ENTPD4: variants seen among roughly 807,000 people sequenced by gnomAD.
The protein encoded by ENTPD4 is ectonucleoside triphosphate diphosphohydrolase 4, also known as Golgi UDPase.
In ENTPD4, 60 loss-of-function variants were observed where a neutral mutation model predicts 79.1. The ratio of observed to expected loss-of-function variants is 0.76; its 90% confidence interval spans 0.62 to 0.94. The LOEUF (loss-of-function observed/expected upper bound fraction) is 0.94. ENTPD4 is among the 40% of genes least tolerant of loss of function. The probability of loss-of-function intolerance (pLI) is 0.00; values close to 1 mark genes in which losing one functional copy is unlikely to be tolerated. For missense variants in ENTPD4, 772 were observed against 775.1 expected (o/e 1.00, Z 0.05); for synonymous variants, 276 against 292.0 (o/e 0.95, Z 0.56).
intron 1 of ENTPD4, among the ~76,000 whole-genome samples, chr8:23,455,230 T>C: frequency 6.6e-6 from 1 of 152,230 alleles, no homozygotes; most frequent in East Asian, 1.9e-4. Context: ...CAGATGTTAG[T>C]GAACTCAAAT....
Position 23,432,994 on chromosome 8 carries a change from T to G in ENTPD4, c.1783A>C (p.Ser595Arg). The change falls in exon 13 of 13, where the codon AGC becomes CGC. Residue 595 changes from serine (S) to arginine (R), a missense_variant. Transcript: ENST00000358689. ...LRRIHRRTPR[S>R]SSAAALWMEE... ...ATCCAGAGGGCGGCGGCCGAGCTGCTCCGGGGAGTGCGCCTGTGGATGCGC... is the reference window on the plus strand; with the variant it reads ...ATCCAGAGGGCGGCGGCCGAGCTGCGCCGGGGAGTGCGCCTGTGGATGCGC... 1 of 1,613,798 alleles carries G rather than the reference T, an allele frequency of 6.2e-7. No homozygotes were observed. Among genetic ancestry groups the G allele is most frequent in the Non-Finnish European group, 8.5e-7 (1 of 1,179,866 alleles).
chr8:23,456,927 A>C (rs1800968848), intron 1 of ENTPD4, among the ~76,000 whole-genome samples: 1 of 152,224 alleles, frequency 6.6e-6, no homozygotes, highest in African/African-American at 2.4e-5. Flanking sequence ...CTTCGTGATA[A>C]GTGTTCTCTG....
chr8:23,439,784 T>A lies in ENTPD4; in HGVS notation c.1014A>T (p.Glu338Asp). 1 of 1,614,198 alleles carries A rather than the reference T, an allele frequency of 6.2e-7. No individual in the cohort carries two copies. The highest frequency in any genetic ancestry group is 8.5e-7 in the Non-Finnish European group (1 of 1,180,026). Residue 338 changes from glutamate (E) to aspartate (D), a missense_variant, in exon 9 of 13, where the codon GAA (glutamate) becomes GAT (aspartate). Coordinates refer to ENST00000358689, the MANE Select transcript of ENTPD4 (RefSeq NM_004901.5). ...FGGNAARQRY[E>D]DRIFANTIQK... ...GAATGGTGTTGGCAAATATTCTGTC[T>A]TCGTATCTCTGTCGAGCAGCATTGC... is the stretch of plus-strand genomic sequence containing the variant.
At chr8:23,433,959 G>T in intron 12 of ENTPD4, 1 of 202,528 alleles carries the variant, frequency 4.9e-6, no homozygotes, top group Non-Finnish European at 1.0e-5. Context: ...GGTTTCTTCT[G>T]TAATCCTATG....
intron 12 of ENTPD4, among the ~76,000 whole-genome samples, chr8:23,433,392 A>T (rs1458110457): frequency 3.9e-5 from 6 of 152,208 alleles, no homozygotes; most frequent in Non-Finnish European, 1.5e-5. Flanking sequence ...AATCAGAGGA[A>T]TTTAGAAGAG....
At chr8:23,440,044 T>C in intron 8 of ENTPD4, 129 bp from the exon 9 acceptor site, 1 of 678,572 alleles carries the variant, frequency 1.5e-6, no homozygotes, top group Non-Finnish European at 2.5e-6. Context: ...CAAGGACCCT[T>C]CTAAGCATCA....
In ENTPD4 at chr8:23,441,646, T is replaced by A; in HGVS notation, c.805A>T (p.Ile269Phe). Residue 269 changes from isoleucine (I) to phenylalanine (F), a missense_variant, in exon 8 of 13, where the codon ATT becomes TTT. Physicochemically the swap from Ile to Phe is conservative, Grantham distance 21. Coordinates refer to ENST00000358689, the MANE Select transcript of ENTPD4 (RefSeq NM_004901.5). Reference protein sequence around the residue: ...EAIVRKRTAGILDMGGVSTQI... With the variant: ...EAIVRKRTAGFLDMGGVSTQI... ...GTCGACACGCCGCCCATGTCGAGAA[T>A]GCCCGCTGTCCTTTTACGGACAATG... 6.2e-7 allele frequency: 1 copy of A among 1,614,200 alleles called. No homozygotes were observed. Among genetic ancestry groups the A allele is most frequent in the East Asian group, 2.2e-5 (1 of 44,880 alleles).
rs1800435839 is a variant in ENTPD4 at position 23,430,496 on chromosome 8, C to T, written c.*2430G>A. 1 of 985,424 alleles carries T rather than the reference C, an allele frequency of 1.0e-6. No homozygotes were observed. Among genetic ancestry groups the T allele is most frequent in the Non-Finnish European group, 1.2e-6 (1 of 829,910 alleles). 61.0% of individuals were successfully genotyped at this position (985,424 alleles called of 1,614,324 possible). ...CCTTTTTTGAACTGCATTGTTCTCA[C>T]AAGGACCAGCAAACTTTTTCTGTAA... On this transcript the variant is annotated 3_prime_UTR_variant, in exon 13 of 13. Coordinates refer to ENST00000358689, the MANE Select transcript of ENTPD4 (RefSeq NM_004901.5).
At chr8:23,433,223 G>C (rs548755865) in intron 12 of ENTPD4, 69 bp from the exon 13 acceptor site, 5 of 1,337,314 alleles carry the variant, frequency 3.7e-6, no homozygotes, top group Non-Finnish European at 5.3e-6. Flanking sequence ...GGTGCACAGG[G>C]GGACGGCGGG....
chr8:23,441,005 G>C (rs1225092301), intron 8 of ENTPD4, among the ~76,000 whole-genome samples: 1 of 152,204 alleles, frequency 6.6e-6, no homozygotes, highest in Non-Finnish European at 1.5e-5. Flanking sequence ...AACACAAATG[G>C]AGTAATAAAG....
chr8:23,441,908 T>A, intron 7 of ENTPD4, 99 bp downstream of exon 7: 2 of 1,208,440 alleles, frequency 1.7e-6, no homozygotes, highest in East Asian at 4.7e-5. Context: ...CCTACACGCT[T>A]AGGAGTGTCA....
chr8:23,441,835 G>T, intron 7 of ENTPD4, 112 bp from the exon 8 acceptor site: 1 of 1,286,848 alleles, frequency 7.8e-7, no homozygotes, highest in Non-Finnish European at 1.1e-6. Context: ...GGCAAACCCA[G>T]TCTACTCCTC....
chr8:23,447,057 C>T (rs1202672575), intron 4 of ENTPD4, among the ~76,000 whole-genome samples: 1 of 152,188 alleles, frequency 6.6e-6, no homozygotes, highest in Non-Finnish European at 1.5e-5. Flanking sequence ...ATTCTAAATG[C>T]TCCTGACAGA....
intron 1 of ENTPD4, among the ~76,000 whole-genome samples, chr8:23,453,370 C>T (rs3115078): frequency 2.0e-5 from 3 of 152,086 alleles, no homozygotes; most frequent in South Asian, 4.1e-4. Context: ...CTTCTGTGTG[C>T]TTAAAACAAA....
chr8:23,442,705 T>A (rs1800695376), intron 6 of ENTPD4, among the ~76,000 whole-genome samples: 1 of 151,854 alleles, frequency 6.6e-6, no homozygotes, highest in South Asian at 2.1e-4. Flanking sequence ...ATTCAAGGTA[T>A]CTTCTGCTCT....
rs1318496413 is a variant in ENTPD4, at chr8:23,433,023, A to T, written c.1754T>A (p.Leu585Gln). 1.2e-6 allele frequency: 2 copies of T among 1,614,094 alleles called. No individual in the cohort carries two copies. The highest frequency in any genetic ancestry group is 4.5e-5 in the East Asian group (2 of 44,868). ...LLAILLYLLR[L>Q]RRIHRRTPRS... Reference sequence around the variant, plus strand: ...GGGAGTGCGCCTGTGGATGCGCCGCAGCCGCAGCAGGTACAGCAGGATGGC... The same window carrying T: ...GGGAGTGCGCCTGTGGATGCGCCGCTGCCGCAGCAGGTACAGCAGGATGGC... Residue 585 changes from leucine (L) to glutamine (Q), a missense_variant, in exon 13 of 13, where the codon CTG becomes CAG. Leu to Gln is a moderately radical substitution (Grantham distance 113, BLOSUM62 -2). Coordinates refer to ENST00000358689, the MANE Select transcript of ENTPD4 (RefSeq NM_004901.5).
chr8:23,429,523 G>A lies in ENTPD4; in HGVS notation c.*3403C>T, dbSNP rs1243047419. The A allele has an allele frequency of 7.1e-6, 7 of 985,378 alleles. No individual in the cohort carries two copies. The highest frequency in any genetic ancestry group is 1.1e-4 in the East Asian group (1 of 8,820). The allele number at this position is 985,378 out of a possible 1,614,324, so 61.0% of individuals were successfully genotyped here. On this transcript the variant is annotated 3_prime_UTR_variant, in exon 13 of 13. Transcript: ENST00000358689. ...ACAACTGACCGCAGAGAATTCTAAA[G>A]CTGATTTTTTTCTTAAAGGATGAAA...
At chr8:23,433,560 G>C (rs1800500603) in intron 12 of ENTPD4, among the ~76,000 whole-genome samples, 1 of 152,178 alleles carries the variant, frequency 6.6e-6, no homozygotes, top group Non-Finnish European at 1.5e-5. Context: ...AAGAGCAAAT[G>C]TCTCATCTAT....
At chr8:23,445,171 T>G (rs1394539904) in intron 4 of ENTPD4, among the ~76,000 whole-genome samples, 3 of 152,188 alleles carry the variant, frequency 2.0e-5, no homozygotes, top group Non-Finnish European at 4.4e-5. Flanking sequence ...GGGTCTTAGA[T>G]GAAGTCCCTC....
Sources: gnomAD v4.1 joint callset for allele counts (sites outside exome capture counted in the v4.1 genomes callset) on GRCh38, gnomAD v4.1.1 for gene constraint, MANE v1.5 for transcripts, NCBI Gene and HGNC (gene_info 2026-07-23, HGNC 2026-07-21) for gene names.